The following FBXW7 variants were observed in gnomAD, a reference collection of about 807,000 sequenced individuals.
FBXW7 encodes F-box/WD repeat-containing protein 7.
FBXW7 carries 11 observed loss-of-function variants against 86.3 expected under a neutral mutation model. The observed-to-expected ratio is 0.13, with a 90% CI of 0.08 to 0.21. FBXW7 has a LOEUF of 0.21. FBXW7 is among the 10% of genes least tolerant of loss of function. The pLI is 1.00. For synonymous variants in FBXW7, 313 were observed against 297.9 expected (o/e 1.05, Z -0.52); for missense variants, 488 against 847.4 (o/e 0.58, Z 5.27).
chr4:152,380,397 T>TTA (rs1419644841), intron 4 of FBXW7, among the ~76,000 whole-genome samples: 1 of 152,006 alleles, frequency 6.6e-6, no homozygotes, highest in Non-Finnish European at 1.5e-5. Context: ...AGTCAATGAG[T>TTA]TATGCAATAG....
At chr4:152,505,960 C>T (rs529557706) in intron 2 of FBXW7, among the ~76,000 whole-genome samples, 6 of 151,796 alleles carry the variant, frequency 4.0e-5, no homozygotes, top group African/African-American at 2.4e-5. Context: ...AGGCTAGTCT[C>T]GAATTCCTGG....
intron 4 of FBXW7, among the ~76,000 whole-genome samples, chr4:152,382,751 AAAAC>A (rs1255609620): frequency 1.3e-5 from 2 of 152,164 alleles, no homozygotes; most frequent in Non-Finnish European, 2.9e-5. Context: ...TAAAATAAAA[AAAAC>A]AAACATTGTA....
At chr4:152,357,316 T>C (rs1031057625) in intron 4 of FBXW7, among the ~76,000 whole-genome samples, 2 of 151,714 alleles carry the variant, frequency 1.3e-5, no homozygotes, top group East Asian at 1.9e-4. Flanking sequence ...ACAGAAGTAG[T>C]AGTTTTTTCT....
At position 152,524,908 on chromosome 4, in the gene FBXW7, TCA is replaced by T. The variant is rs1015315355; in HGVS notation, c.-120+10031_-120+10032del. ...AGCATTCTAGTTTATACTATCAAAT[TCA>T]CACAGCAGTCAATTAAGAGACCACC... On this transcript the variant is annotated intron_variant, in intron 2 of 13. Transcript: ENST00000281708. 9.1e-4 allele frequency among the ~76,000 whole-genome samples: 139 copies of T among 152,196 alleles called. 1 individual carries two copies. Among genetic ancestry groups the T allele is most frequent in the African/African-American group, 3.3e-3 (136 of 41,528 alleles).
intron 2 of FBXW7, among the ~76,000 whole-genome samples, chr4:152,521,580 C>T (rs1427199113): frequency 6.6e-5 from 10 of 152,022 alleles, no homozygotes; most frequent in Non-Finnish European, 1.2e-4. Context: ...CTGTAAATAG[C>T]AGAAAAGTCA....
At chr4:152,327,244 G>A (rs1186600194) in intron 11 of FBXW7, among the ~76,000 whole-genome samples, 1 of 151,976 alleles carries the variant, frequency 6.6e-6, no homozygotes, top group African/African-American at 2.4e-5. Context: ...AATTTTAACA[G>A]TATAGCACAC....
At chr4:152,373,802 G>A (rs1734224385) in intron 4 of FBXW7, among the ~76,000 whole-genome samples, 1 of 151,982 alleles carries the variant, frequency 6.6e-6, no homozygotes, top group African/African-American at 2.4e-5. Flanking sequence ...TTATCACTGT[G>A]ACTTTTCATT....
intron 2 of FBXW7, chr4:152,530,980 A>C (rs1749976179): frequency 6.6e-6 from 1 of 152,238 alleles, no homozygotes; most frequent in African/African-American, 2.4e-5. Flanking sequence ...GAAGCACCAG[A>C]AGACTTCTCC....
At chr4:152,404,040 G>C (rs1320672951) in intron 4 of FBXW7, among the ~76,000 whole-genome samples, 1 of 152,058 alleles carries the variant, frequency 6.6e-6, no homozygotes, top group Admixed American at 6.6e-5. Context: ...AAATTGCCAG[G>C]GTAACACCTG....
At chr4:152,349,940 C>T (rs1041643534) in intron 5 of FBXW7, 102 bp downstream of exon 5, 5 of 532,842 alleles carry the variant, frequency 9.4e-6, no homozygotes, top group South Asian at 5.0e-5. Flanking sequence ...AACAGTCAAC[C>T]GTACTAGTAA....
intron 10 of FBXW7, 132 bp from the exon 11 acceptor site, chr4:152,328,521 C>T (rs904835932): frequency 1.3e-5 from 7 of 540,108 alleles, no homozygotes; most frequent in Middle Eastern, 4.7e-4. Flanking sequence ...ATATTACATC[C>T]GTATAAAATG....
intron 2 of FBXW7, among the ~76,000 whole-genome samples, chr4:152,487,325 C>A (rs1433322759): frequency 6.6e-6 from 1 of 152,022 alleles, no homozygotes; most frequent in Non-Finnish European, 1.5e-5. Context: ...TCAGGTCACA[C>A]CACCTTAACC....
In FBXW7 at chr4:152,350,087, G is replaced by T. The variant is rs1265788422; in HGVS notation, c.539C>A (p.Ser180Tyr). 2 of 1,568,408 alleles carry T rather than the reference G, an allele frequency of 1.3e-6. No individual in the cohort carries two copies. The highest frequency in any genetic ancestry group is 1.7e-6 in the Non-Finnish European group (2 of 1,152,718). The change falls in exon 5 of 14, where the codon TCT becomes TAT. Residue 180 changes from serine to tyrosine, a missense_variant. Ser to Tyr is a moderately radical substitution (Grantham distance 144). Around this residue, in one of 4 missense-constraint regions of FBXW7, gnomAD observed 230 missense variants for 240.0 expected, o/e 0.96. Coordinates refer to ENST00000281708, the MANE Select transcript of FBXW7 (RefSeq NM_001349798.2). The part of the protein sequence containing the change: ...RKLDHGSEVR[S>Y]FSLGKKPCKV... ...GCATGGTTTCTTTCCCAAAGAAAAA[G>T]AGCGGACCTCAGAACCATGGTCCAA... is the stretch of plus-strand genomic sequence containing the variant.
At chr4:152,470,001 A>T (rs28704929) in intron 2 of FBXW7, among the ~76,000 whole-genome samples, 2,431 of 152,122 alleles carry the variant, frequency 0.016, 58 homozygotes, top group African/African-American at 0.055. Flanking sequence ...ATATAATAAA[A>T]TTTTTTAAAA....
At chr4:152,473,088 T>G (rs1326700395) in intron 2 of FBXW7, among the ~76,000 whole-genome samples, 1 of 152,088 alleles carries the variant, frequency 6.6e-6, no homozygotes, top group Admixed American at 6.6e-5. Context: ...AAAATACATC[T>G]TTTTACTTAG....
chr4:152,428,434 G>A (rs1405066934), intron 2 of FBXW7, among the ~76,000 whole-genome samples: 2 of 151,950 alleles, frequency 1.3e-5, no homozygotes, highest in Admixed American at 6.6e-5. Flanking sequence ...AAAACCATTA[G>A]CTCACCTGGA....
intron 2 of FBXW7, among the ~76,000 whole-genome samples, chr4:152,435,340 TAACGG>T (rs1740290206): frequency 2.6e-5 from 4 of 152,242 alleles, no homozygotes; most frequent in African/African-American, 9.6e-5. Context: ...TCATTTTGTA[TAACGG>T]CCCTTAATTT....
intron 4 of FBXW7, among the ~76,000 whole-genome samples, chr4:152,352,078 T>A (rs1731873777): frequency 6.6e-6 from 1 of 152,074 alleles, no homozygotes; most frequent in African/African-American, 2.4e-5. Context: ...AATAGTCTCA[T>A]GATTCTATAC....
chr4:152,333,208 T>C (rs1259844576), intron 7 of FBXW7, among the ~76,000 whole-genome samples: 1 of 152,170 alleles, frequency 6.6e-6, no homozygotes, highest in Non-Finnish European at 1.5e-5. Context: ...AAAGTGTTTA[T>C]TATTGTAATG....
Sources: gnomAD v4.1 joint callset for allele counts (sites outside exome capture counted in the v4.1 genomes callset) on GRCh38, gnomAD v4.1.1 for gene constraint, gnomAD v4.1.1 regional missense constraint, MANE v1.5 for transcripts, NCBI Gene and HGNC (gene_info 2026-07-23, HGNC 2026-07-21) for gene names.